The following PLB1 variants were observed in gnomAD, a reference collection of about 807,000 sequenced individuals.
PLB1 encodes the protein phospholipase B1, also known as phospholipase B1, membrane-associated.
Under a neutral mutation model 227.4 loss-of-function variants are expected in PLB1, and 242 were observed. The observed-to-expected ratio is 1.06, with a 90% CI of 0.96 to 1.18. The LOEUF is 1.18. Ranked by LOEUF, PLB1 falls within the 50% of genes most tolerant of loss-of-function variation. The pLI, the probability that PLB1 is intolerant of heterozygous loss-of-function variation, is 0.00. For synonymous variants in PLB1, 757 were observed against 682.2 expected (o/e 1.11, Z -1.71); for missense variants, 1,858 against 1,816.3 (o/e 1.02, Z -0.42).
intron 3 of PLB1, among the ~76,000 whole-genome samples, chr2:28,519,152 G>A (rs937212410): frequency 5.3e-5 from 8 of 152,154 alleles, no homozygotes; most frequent in Non-Finnish European, 1.2e-4. Context: ...GATTTCTAGG[G>A]AGACTTCATT....
chr2:28,548,822 C>G, intron 14 of PLB1, 38 bp from the exon 15 acceptor site: 1 of 1,608,954 alleles, frequency 6.2e-7, no homozygotes, highest in African/African-American at 1.3e-5. Flanking sequence ...GCTACCTGCA[C>G]AAAACTTCCC....
intron 8 of PLB1, 110 bp from the exon 9 acceptor site, chr2:28,531,998 G>A: frequency 1.2e-6 from 1 of 802,766 alleles, no homozygotes; most frequent in Non-Finnish European, 2.0e-6. Flanking sequence ...ATTCATACAT[G>A]AGTTTTTCAG....
At chr2:28,496,373 C>T (rs1480000423) in intron 1 of PLB1, among the ~76,000 whole-genome samples, 1 of 152,178 alleles carries the variant, frequency 6.6e-6, no homozygotes, top group Non-Finnish European at 1.5e-5. Flanking sequence ...GTCCCAAAGG[C>T]TGCCGGGAGC....
In PLB1 at chr2:28,545,576, G is replaced by A. The variant is rs114863056; in HGVS notation, c.936+2308G>A. Among the ~76,000 whole-genome samples, 752 of 152,290 alleles carry A rather than the reference G, an allele frequency of 4.9e-3. 8 individuals are homozygous for A. The highest frequency in any genetic ancestry group is 0.017 in the African/African-American group (716 of 41,538). ...GGCAAGTCACACGGTCTTTCGGGGTGTCCATTTTCTCTACCTGCCAAAAAG... is the reference window on the plus strand; with the variant it reads ...GGCAAGTCACACGGTCTTTCGGGGTATCCATTTTCTCTACCTGCCAAAAAG... On this transcript the variant is annotated intron_variant, in intron 14 of 57. Coordinates refer to ENST00000327757, the MANE Select transcript of PLB1 (RefSeq NM_153021.5).
At chr2:28,502,984 G>A (rs775138316) in intron 1 of PLB1, among the ~76,000 whole-genome samples, 5 of 151,704 alleles carry the variant, frequency 3.3e-5, no homozygotes, top group Non-Finnish European at 7.4e-5. Context: ...TGTCCATTTC[G>A]AGTAAATTTG....
intron 53 of PLB1, among the ~76,000 whole-genome samples, chr2:28,630,044 G>C (rs1293661323): frequency 6.6e-6 from 1 of 152,182 alleles, no homozygotes; most frequent in East Asian, 1.9e-4. Flanking sequence ...TCTGTATCGT[G>C]TTCCATGTTG....
At chr2:28,588,384 T>C (rs1391426153) in intron 26 of PLB1, among the ~76,000 whole-genome samples, 1 of 152,200 alleles carries the variant, frequency 6.6e-6, no homozygotes, top group Non-Finnish European at 1.5e-5. Context: ...TCCCCTCTTC[T>C]GAGAGACGAC....
At chr2:28,625,184 G>A (rs1028431592) in intron 50 of PLB1, 76 bp downstream of exon 50, 1 of 1,383,600 alleles carries the variant, frequency 7.2e-7, no homozygotes, top group Non-Finnish European at 1.0e-6. Flanking sequence ...CCCCATAAGG[G>A]TCCCTCTCAC....
At position 28,503,841 on chromosome 2, in the gene PLB1, G is replaced by A. The variant is rs531118492; in HGVS notation, c.55+7672G>A. On this transcript the variant is annotated intron_variant, in intron 1 of 57. Coordinates refer to ENST00000327757, the MANE Select transcript of PLB1 (RefSeq NM_153021.5). ...CTTCTATGAGTCAATGCAAGTTTCT[G>A]TAGTAGCCTGGATTCAAGGTGAAGG... 6.4e-4 allele frequency among the ~76,000 whole-genome samples: 97 copies of A among 152,308 alleles called. 1 individual carries two copies. The highest frequency in any genetic ancestry group is 6.8e-3 in the Middle Eastern group (2 of 294).
intron 26 of PLB1, among the ~76,000 whole-genome samples, chr2:28,586,917 T>C (rs942690271): frequency 6.6e-5 from 10 of 152,006 alleles, no homozygotes; most frequent in African/African-American, 2.4e-4. Context: ...CCGGCTACTT[T>C]TTGTATTTTT....
At chr2:28,576,546 A>C (rs1006241154) in intron 21 of PLB1, among the ~76,000 whole-genome samples, 1 of 152,190 alleles carries the variant, frequency 6.6e-6, no homozygotes, top group Non-Finnish European at 1.5e-5. Flanking sequence ...TCTGGCCAAC[A>C]TGGTGAAATC....
chr2:28,518,382 G>T, intron 2 of PLB1, 84 bp from the exon 3 acceptor site: 1 of 1,054,542 alleles, frequency 9.5e-7, no homozygotes, highest in South Asian at 1.3e-5. Flanking sequence ...ATGAGTACAT[G>T]ATCATTTCTA....
rs528371438 is a variant in PLB1 at position 28,529,108 on chromosome 2, C to T, written c.326-209C>T. Among the ~76,000 whole-genome samples, 10 of 152,076 alleles carry T rather than the reference C, an allele frequency of 6.6e-5. No homozygotes were observed. In the South Asian group the frequency reaches 1.0e-3, roughly 16 times the overall value. ...GACCACAGGTGAGCACCACCACACC[C>T]GGCTGATTTTTGTTTTCATAGAGAC... On this transcript the variant is annotated intron_variant, in intron 6 of 57. Coordinates refer to ENST00000327757, the MANE Select transcript of PLB1 (RefSeq NM_153021.5).
At chr2:28,602,969 G>T in intron 39 of PLB1, 48 bp downstream of exon 39, 2 of 1,529,646 alleles carry the variant, frequency 1.3e-6, no homozygotes, top group Middle Eastern at 3.4e-4. Context: ...CTCACCTCCT[G>T]GTCTGGCCCA....
intron 38 of PLB1, 101 bp downstream of exon 38, chr2:28,602,065 G>GA: frequency 1.7e-6 from 2 of 1,168,228 alleles, no homozygotes; most frequent in East Asian, 4.7e-5. Context: ...CTCTCAAGGA[G>GA]ACAGCCAGGG....
At chr2:28,630,756 A>G in intron 54 of PLB1, 92 bp downstream of exon 54, 1 of 1,063,750 alleles carries the variant, frequency 9.4e-7, no homozygotes, top group Non-Finnish European at 1.4e-6. Context: ...GGATGTGGCC[A>G]AGAGCAAGCC....
chr2:28,557,155 A>G (rs1006667764), intron 17 of PLB1, among the ~76,000 whole-genome samples: 2 of 152,090 alleles, frequency 1.3e-5, no homozygotes, highest in Admixed American at 6.5e-5. Flanking sequence ...AGCGAGTTCA[A>G]ACTCCCCCAA....
chr2:28,540,275 C>A (rs1672296002), intron 11 of PLB1, 91 bp from the exon 12 acceptor site: 1 of 1,027,150 alleles, frequency 9.7e-7, no homozygotes, highest in Non-Finnish European at 1.5e-6. Context: ...AACTCCTATG[C>A]CCCTTCTTCC....
chr2:28,530,657 CT>C (rs1670895077), intron 8 of PLB1, among the ~76,000 whole-genome samples: 1 of 152,214 alleles, frequency 6.6e-6, no homozygotes, highest in South Asian at 2.1e-4. Flanking sequence ...TTGTGTTGCC[CT>C]TATGGGCAAG....
Sources: allele counts gnomAD v4.1 joint callset (sites outside exome capture counted in the v4.1 genomes callset), GRCh38; gene constraint gnomAD v4.1.1; transcripts MANE v1.5; gene names NCBI Gene and HGNC (gene_info 2026-07-23, HGNC 2026-07-21).